The following GREB1L variants were observed in gnomAD, a reference collection of about 807,000 sequenced individuals.
GREB1L encodes the protein GREB1-like protein.
GREB1L carries 17 observed loss-of-function variants against 200.8 expected under a neutral mutation model. The ratio of observed to expected loss-of-function variants is 0.08; its 90% CI spans 0.06 to 0.13. GREB1L has a LOEUF of 0.13. Ranked by LOEUF, GREB1L falls within the 10% of genes least tolerant of loss-of-function variation. The probability of loss-of-function intolerance (pLI) is 1.00; values close to 1 mark genes in which losing one functional copy is unlikely to be tolerated. For synonymous variants in GREB1L, 789 were observed against 893.0 expected, an observed-to-expected ratio of 0.88 and a Z score of 2.08; for missense variants, 1,657 against 2,367.7, an observed-to-expected ratio of 0.70 and a Z score of 6.23.
intron 7 of GREB1L, among the ~76,000 whole-genome samples, chr18:21,413,937 G>C (rs2031353110): frequency 6.6e-6 from 1 of 152,166 alleles, no homozygotes; most frequent in Admixed American, 6.5e-5. Flanking sequence ...TGCAGTGCTG[G>C]TAAAACCGAC....
intron 27 of GREB1L, among the ~76,000 whole-genome samples, chr18:21,511,898 T>C (rs1204920537): frequency 1.3e-5 from 2 of 152,088 alleles, no homozygotes; most frequent in East Asian, 3.9e-4. Flanking sequence ...CCTACCTCAG[T>C]CTCCCAAAAA....
intron 29 of GREB1L, 114 bp downstream of exon 29, chr18:21,515,758 T>C (rs2037394787): frequency 2.6e-6 from 2 of 778,112 alleles, no homozygotes; most frequent in Non-Finnish European, 4.1e-6. Context: ...GCTGACTCTT[T>C]ATGTGGGCAA....
chr18:21,312,935 A>AC (rs1175514552), intron 1 of GREB1L, among the ~76,000 whole-genome samples: 2 of 151,964 alleles, frequency 1.3e-5, no homozygotes, highest in Admixed American at 1.3e-4. Flanking sequence ...TGATACTGAG[A>AC]TTTTTTTCAC....
At chr18:21,261,440 T>G (rs1160827432) in intron 1 of GREB1L, among the ~76,000 whole-genome samples, 2 of 152,134 alleles carry the variant, frequency 1.3e-5, no homozygotes, top group Admixed American at 1.3e-4. Flanking sequence ...CAAGGTTACC[T>G]TCTGTTGCTT....
intron 19 of GREB1L, among the ~76,000 whole-genome samples, chr18:21,490,669 T>A (rs1209179110): frequency 6.6e-6 from 1 of 152,154 alleles, no homozygotes; most frequent in Non-Finnish European, 1.5e-5. Context: ...CCCATGGCCA[T>A]CTGTTTTCTG....
chr18:21,449,046 G>A (rs866223150), intron 11 of GREB1L, among the ~76,000 whole-genome samples: 1 of 152,178 alleles, frequency 6.6e-6, no homozygotes, highest in Non-Finnish European at 1.5e-5. Flanking sequence ...AGGCTTAGAA[G>A]CAACACATTA....
rs1459920251 is a variant in GREB1L, at chr18:21,490,195, C to T, written c.2874C>T (p.Leu958=). Residue 958 remains leucine, a synonymous_variant, in exon 19 of 33, where the codon CTC becomes CTT. Coordinates refer to ENST00000424526, the MANE Select transcript of GREB1L (RefSeq NM_001142966.3). ...GKNKSGRGHM[L]IIRVPSVQLA... is the part of the protein sequence containing the mutation. ...ACAAAAGTGGGAGGGGACACATGCTCATTATCAGGGTGCCCTCGGTGCAGC... is the reference window on the plus strand; with the variant it reads ...ACAAAAGTGGGAGGGGACACATGCTTATTATCAGGGTGCCCTCGGTGCAGC... 17 of 1,551,712 alleles carry T rather than the reference C, an allele frequency of 1.1e-5. No homozygotes were observed. Among genetic ancestry groups the T allele is most frequent in the Non-Finnish European group, 1.5e-5 (17 of 1,147,010 alleles).
At chr18:21,246,947 A>G (rs1190379058) in intron 1 of GREB1L, among the ~76,000 whole-genome samples, 1 of 152,232 alleles carries the variant, frequency 6.6e-6, no homozygotes, top group East Asian at 1.9e-4. Context: ...TAATGAAGTT[A>G]TGCCCACTGA....
chr18:21,327,691 C>CT (rs1041758973), intron 1 of GREB1L, among the ~76,000 whole-genome samples: 24 of 147,372 alleles, frequency 1.6e-4, no homozygotes, highest in East Asian at 3.9e-4. Flanking sequence ...CCCAACCTTT[C>CT]TTTTTTTTTC....
At chr18:21,248,579 G>A (rs1229696110) in intron 1 of GREB1L, among the ~76,000 whole-genome samples, 1 of 152,140 alleles carries the variant, frequency 6.6e-6, no homozygotes, top group African/African-American at 2.4e-5. Context: ...AGATTCAATA[G>A]ATTGATAAAA....
chr18:21,264,969 G>A (rs2037943970), intron 1 of GREB1L, among the ~76,000 whole-genome samples: 1 of 152,136 alleles, frequency 6.6e-6, no homozygotes. Flanking sequence ...TCCTGACAGT[G>A]TATTCTTATT....
chr18:21,375,430 C>G (rs555753598), intron 2 of GREB1L, among the ~76,000 whole-genome samples: 1 of 152,236 alleles, frequency 6.6e-6, no homozygotes, highest in South Asian at 2.1e-4. Flanking sequence ...TGTTATTTGG[C>G]TTTGTGACTC....
At chr18:21,333,729 C>A (rs2145068111) in intron 1 of GREB1L, among the ~76,000 whole-genome samples, 1 of 151,542 alleles carries the variant, frequency 6.6e-6, no homozygotes, top group African/African-American at 2.4e-5. Context: ...CCCCTGTAAT[C>A]CCAACACTTT....
At chr18:21,257,689 A>G (rs1463771968) in intron 1 of GREB1L, among the ~76,000 whole-genome samples, 1 of 152,232 alleles carries the variant, frequency 6.6e-6, no homozygotes, top group African/African-American at 2.4e-5. Context: ...CAAAGGGAGC[A>G]TATGTATGTC....
chr18:21,348,368 G>C (rs1598681897), intron 1 of GREB1L, among the ~76,000 whole-genome samples: 1 of 152,042 alleles, frequency 6.6e-6, no homozygotes, highest in Admixed American at 6.6e-5. Flanking sequence ...GCTGGGCATG[G>C]TAACTCATGC....
At chr18:21,300,026 A>C (rs2038593630) in intron 1 of GREB1L, among the ~76,000 whole-genome samples, 1 of 152,236 alleles carries the variant, frequency 6.6e-6, no homozygotes, top group Middle Eastern at 3.2e-3. Context: ...CTTTTTAAAG[A>C]ATTCCTTAAT....
At chr18:21,280,951 T>G (rs192999636) in intron 1 of GREB1L, among the ~76,000 whole-genome samples, 2 of 152,226 alleles carry the variant, frequency 1.3e-5, no homozygotes, top group Non-Finnish European at 2.9e-5. Context: ...GTTACTATCT[T>G]TCTGGGAGCT....
chr18:21,258,808 T>G (rs1423471973), intron 1 of GREB1L, among the ~76,000 whole-genome samples: 2 of 152,206 alleles, frequency 1.3e-5, no homozygotes, highest in Non-Finnish European at 2.9e-5. Context: ...TACTTACAAA[T>G]GTACCTATAT....
chr18:21,415,540 A>G (rs1455631936), intron 7 of GREB1L, among the ~76,000 whole-genome samples: 1 of 152,070 alleles, frequency 6.6e-6, no homozygotes, highest in Non-Finnish European at 1.5e-5. Flanking sequence ...GAAGGAAGGA[A>G]GAGAGCGAGG....
Sources: allele counts gnomAD v4.1 joint callset (sites outside exome capture counted in the v4.1 genomes callset), GRCh38; gene constraint gnomAD v4.1.1; transcripts MANE v1.5; gene names NCBI Gene and HGNC (gene_info 2026-07-23, HGNC 2026-07-21).